MKLN1: variants seen among roughly 807,000 people sequenced by gnomAD.
MKLN1 encodes muskelin.
In MKLN1, 18 loss-of-function variants were observed where a neutral mutation model predicts 99.0. The ratio of observed to expected loss-of-function variants is 0.18; its 90% confidence interval spans 0.13 to 0.27. The LOEUF is 0.27. MKLN1 is among the 10% of genes least tolerant of loss of function. The probability of loss-of-function intolerance (pLI) is 1.00; values close to 1 mark genes in which losing one functional copy is unlikely to be tolerated. For missense variants in MKLN1, 621 were observed against 875.9 expected (o/e 0.71, Z 3.67); for synonymous variants, 288 against 293.2 (o/e 0.98, Z 0.18).
At position 131,382,569 on chromosome 7, in the gene MKLN1, G is replaced by A. The variant is rs189921071; in HGVS notation, c.169-4551G>A. On this transcript the variant is annotated intron_variant, in intron 2 of 17. Transcript: ENST00000352689. ...AGTTCTGTGTATGTTTTGTATTTAA[G>A]TTCTTTATCAGATTTATATATGATT... is the stretch of plus-strand genomic sequence containing the variant. 2.0e-5 allele frequency among the ~76,000 whole-genome samples: 3 copies of A among 152,100 alleles called. No individual in the cohort carries two copies. The East Asian group carries it at 5.8e-4, about 29-fold the overall frequency.
At chr7:131,284,146 C>T (rs1055790965) in intron 3 of MKLN1, among the ~76,000 whole-genome samples, 3 of 152,078 alleles carry the variant, frequency 2.0e-5, no homozygotes, top group South Asian at 2.1e-4. Flanking sequence ...ATATCTAGAA[C>T]AAAAATTGCT....
At chr7:131,192,486 AAT>A in intron 2 of MKLN1, among the ~76,000 whole-genome samples, 4 of 131,534 alleles carry the variant, frequency 3.0e-5, no homozygotes, top group African/African-American at 1.2e-4. Context: ...ACAATATATA[AAT>A]ATATATAATA....
At chr7:131,320,648 C>A (rs771645564) in intron 3 of MKLN1, among the ~76,000 whole-genome samples, 30 of 152,088 alleles carry the variant, frequency 2.0e-4, no homozygotes, top group Non-Finnish European at 4.3e-4. Flanking sequence ...AGGCAACCTA[C>A]AGAATGAGAG....
At chr7:131,239,790 G>A (rs2116491410) in intron 3 of MKLN1, among the ~76,000 whole-genome samples, 1 of 152,284 alleles carries the variant, frequency 6.6e-6, no homozygotes, top group African/African-American at 2.4e-5. Context: ...AGGAGTTTGA[G>A]ACCAGCCTGG....
intron 3 of MKLN1, among the ~76,000 whole-genome samples, chr7:131,215,497 A>G (rs1796967391): frequency 6.6e-6 from 1 of 150,798 alleles, no homozygotes; most frequent in East Asian, 2.0e-4. Flanking sequence ...GACAAACATC[A>G]CCACACCCAG....
chr7:131,293,123 C>A (rs1041096299), intron 3 of MKLN1, among the ~76,000 whole-genome samples: 2 of 152,194 alleles, frequency 1.3e-5, no homozygotes, highest in African/African-American at 4.8e-5. Flanking sequence ...ACAGAGGCTT[C>A]TACACTCTTT....
chr7:131,375,732 T>TA (rs1245430784), intron 2 of MKLN1, among the ~76,000 whole-genome samples: 1 of 152,112 alleles, frequency 6.6e-6, no homozygotes, highest in Non-Finnish European at 1.5e-5. Flanking sequence ...CCAGAACAGT[T>TA]ACGCTCAAGT....
At chr7:131,236,910 C>T (rs1204058944) in intron 3 of MKLN1, among the ~76,000 whole-genome samples, 1 of 151,986 alleles carries the variant, frequency 6.6e-6, no homozygotes, top group Non-Finnish European at 1.5e-5. Context: ...TAACTTGAGC[C>T]CAGCAGTTCA....
chr7:131,334,881 G>C (rs1008646615), intron 1 of MKLN1, among the ~76,000 whole-genome samples: 3 of 152,150 alleles, frequency 2.0e-5, no homozygotes, highest in Admixed American at 6.5e-5. Flanking sequence ...TGAGAATTTA[G>C]AGATCCCTAA....
chr7:131,257,731 G>C (rs1797677062), intron 3 of MKLN1, among the ~76,000 whole-genome samples: 1 of 152,114 alleles, frequency 6.6e-6, no homozygotes, highest in African/African-American at 2.4e-5. Flanking sequence ...GGGAGGGAAG[G>C]GGAAGGGAGA....
intron 1 of MKLN1, among the ~76,000 whole-genome samples, chr7:131,124,927 T>A (rs1477383037): frequency 6.6e-6 from 1 of 152,224 alleles, no homozygotes; most frequent in Non-Finnish European, 1.5e-5. Flanking sequence ...AACAGCTTCC[T>A]GAACTTTATG....
At chr7:131,282,351 A>G (rs1798064819) in intron 3 of MKLN1, among the ~76,000 whole-genome samples, 1 of 141,676 alleles carries the variant, frequency 7.1e-6, no homozygotes, top group Non-Finnish European at 1.5e-5. Context: ...CTCCGTCTCA[A>G]AAAAAAAAAA....
chr7:131,371,480 C>G lies in MKLN1; in HGVS notation c.99-3944C>G, dbSNP rs149230226. 3.4e-3 allele frequency among the ~76,000 whole-genome samples: 524 copies of G among 152,238 alleles called. 3 individuals are homozygous for G. Among genetic ancestry groups the G allele is most frequent in the South Asian group, 5.8e-3 (28 of 4,830 alleles). On this transcript the variant is annotated intron_variant, in intron 1 of 17. Transcript: ENST00000352689. ...AAATAGCATTGATACATTGACATCTCTGAAGAGTATATTTTATTCAGCACT... is the reference window on the plus strand; with the variant it reads ...AAATAGCATTGATACATTGACATCTGTGAAGAGTATATTTTATTCAGCACT...
intron 16 of MKLN1, chr7:131,471,997 A>C (rs1796833051): frequency 6.6e-6 from 1 of 152,256 alleles, no homozygotes; most frequent in East Asian, 1.9e-4. Context: ...GAGAATCTGC[A>C]GGACATGCTT....
intron 3 of MKLN1, among the ~76,000 whole-genome samples, chr7:131,297,784 T>C (rs991033320): frequency 6.6e-6 from 1 of 152,194 alleles, no homozygotes; most frequent in African/African-American, 2.4e-5. Context: ...ACTCATCCAT[T>C]GCAACTAGAA....
chr7:131,307,166 T>C (rs1798479919), intron 3 of MKLN1, among the ~76,000 whole-genome samples: 1 of 152,116 alleles, frequency 6.6e-6, no homozygotes, highest in South Asian at 2.1e-4. Flanking sequence ...GTGGCTTCTA[T>C]GTGGTATTGG....
Position 131,327,935 on chromosome 7 carries a change from G to C in MKLN1, c.36G>C (p.Glu12Asp). The C allele has an allele frequency of 1.2e-6, 2 of 1,613,502 alleles. No homozygotes were observed. Among genetic ancestry groups the C allele is most frequent in the South Asian group, 1.1e-5 (1 of 91,088 alleles). Residue 12 changes from glutamate (E) to aspartate (D), a missense_variant, in exon 1 of 18, where the codon GAG becomes GAC. By Grantham distance (45) the Glu-to-Asp change is conservative. This residue lies in a region of MKLN1 where 58 missense variants were observed against 40.0 expected (regional missense o/e 1.45). Coordinates refer to ENST00000352689, the MANE Select transcript of MKLN1 (RefSeq NM_013255.5). ...AAGGAVAAAP[E>D]CRLLPYALHK... ...GCGGAGCTGTCGCTGCGGCGCCCGA[G>C]TGCCGGCTTCTCCCCTACGCGCTAC... is the stretch of plus-strand genomic sequence containing the variant.
intron 3 of MKLN1, among the ~76,000 whole-genome samples, chr7:131,249,720 G>A (rs1797548204): frequency 6.6e-6 from 1 of 152,192 alleles, no homozygotes. Context: ...AGGTAGAGTG[G>A]CAGCAGTGCC....
intron 2 of MKLN1, among the ~76,000 whole-genome samples, chr7:131,153,473 G>A (rs765224387): frequency 5.3e-5 from 8 of 150,538 alleles, no homozygotes; most frequent in Admixed American, 1.3e-4. Flanking sequence ...TTTCCACATA[G>A]TAGAAATTAC....
Sources: gnomAD v4.1 joint callset for allele counts (sites outside exome capture counted in the v4.1 genomes callset) on GRCh38, gnomAD v4.1.1 for gene constraint, gnomAD v4.1.1 regional missense constraint, MANE v1.5 for transcripts, NCBI Gene and HGNC (gene_info 2026-07-23, HGNC 2026-07-21) for gene names.